Variants in STAG1 observed in about 807,000 individuals in gnomAD.
STAG1 encodes cohesin subunit SA-1.
STAG1 carries 26 observed loss-of-function variants against 170.9 expected under a neutral mutation model. The ratio of observed to expected loss-of-function variants is 0.15; its 90% CI spans 0.11 to 0.21. STAG1 has a LOEUF of 0.21. Among genes scored for constraint, STAG1 ranks in the 10% least tolerant of loss-of-function variants. The probability of loss-of-function intolerance (pLI) is 1.00; values close to 1 mark genes in which losing one functional copy is unlikely to be tolerated. For synonymous variants in STAG1, 514 were observed against 497.7 expected (o/e 1.03, Z -0.44); for missense variants, 964 against 1,509.5 (o/e 0.64, Z 5.99).
At chr3:136,447,899 G>A (rs1055295233) in intron 14 of STAG1, among the ~76,000 whole-genome samples, 1 of 152,102 alleles carries the variant, frequency 6.6e-6, no homozygotes, top group Non-Finnish European at 1.5e-5. Flanking sequence ...TTACAGGCAT[G>A]AGCCACCGCG....
chr3:136,469,529 T>G (rs375182335), intron 12 of STAG1, among the ~76,000 whole-genome samples: 1,811 of 152,242 alleles, frequency 0.012, 21 homozygotes, highest in African/African-American at 0.041. Flanking sequence ...TGGATAGGAA[T>G]AATCAATATC....
chr3:136,648,355 G>A (rs1392781384), intron 1 of STAG1, among the ~76,000 whole-genome samples: 2 of 152,186 alleles, frequency 1.3e-5, no homozygotes, highest in African/African-American at 2.4e-5. Flanking sequence ...CTGATGAAAT[G>A]TGATGTACCC....
At chr3:136,671,329 C>T (rs1941973869) in intron 1 of STAG1, among the ~76,000 whole-genome samples, 2 of 151,968 alleles carry the variant, frequency 1.3e-5, no homozygotes, top group South Asian at 4.1e-4. Context: ...TCATACGTGC[C>T]ATATAGCTTG....
At chr3:136,440,672 G>GA (rs1159947124) in intron 15 of STAG1, among the ~76,000 whole-genome samples, 1 of 151,976 alleles carries the variant, frequency 6.6e-6, no homozygotes, top group East Asian at 1.9e-4. Context: ...TTTTATCAGG[G>GA]AAAATATTAA....
rs114998443 is a variant in STAG1, at chr3:136,635,475, G to A, written c.-83-4494C>T. ...AAATATAGGGGAACATTCTCAACTC[G>A]ATAAAGAGTATCTCCAAACGCTGCA... On this transcript the variant is annotated intron_variant, in intron 1 of 33. Transcript: ENST00000383202. 3.1e-3 allele frequency among the ~76,000 whole-genome samples: 466 copies of A among 152,226 alleles called. 2 individuals carry two copies. Among genetic ancestry groups the A allele is most frequent in the Non-Finnish European group, 4.8e-3 (327 of 67,998 alleles).
rs188460966 is a variant in STAG1, at chr3:136,479,008, T to G, written c.903-1596A>C. Reference sequence around the variant, plus strand: ...TTAATACAAATAGAAGACTTAGAATTCTACCTGGCATCCATTAATCCTTCC... The same window carrying G: ...TTAATACAAATAGAAGACTTAGAATGCTACCTGGCATCCATTAATCCTTCC... On this transcript the variant is annotated intron_variant, in intron 9 of 33. Coordinates refer to ENST00000383202, the MANE Select transcript of STAG1 (RefSeq NM_005862.3). Among the ~76,000 whole-genome samples, 1,148 of 151,738 alleles carry G rather than the reference T, an allele frequency of 7.6e-3. 8 individuals carry two copies. The highest frequency in any genetic ancestry group is 0.014 in the Non-Finnish European group (926 of 67,854).
intron 2 of STAG1, 50 bp downstream of exon 2, chr3:136,630,820 T>C: frequency 7.7e-7 from 1 of 1,300,060 alleles, no homozygotes; most frequent in South Asian, 1.3e-5. Flanking sequence ...AAATAAGTTG[T>C]CCAAAATTTT....
intron 1 of STAG1, among the ~76,000 whole-genome samples, chr3:136,678,770 T>C (rs1942223874): frequency 6.8e-6 from 1 of 147,390 alleles, no homozygotes; most frequent in Non-Finnish European, 1.5e-5. Context: ...CCCGGCACTT[T>C]GGAAGGCCAA....
chr3:136,589,628 CAAAAAAA>C (rs71626007), intron 4 of STAG1, among the ~76,000 whole-genome samples: 21 of 46,192 alleles, frequency 4.5e-4, no homozygotes, highest in South Asian at 3.6e-3. Context: ...CAAAGGGAGC[CAAAAAAA>C]AAAAAAAAAA....
At position 136,423,019 on chromosome 3, in the gene STAG1, G is replaced by A. The variant is rs1205051156; in HGVS notation, c.1676C>T (p.Thr559Ile). 1.2e-6 allele frequency: 2 copies of A among 1,607,216 alleles called. No individual in the cohort carries two copies. The highest frequency in any genetic ancestry group is 1.1e-5 in the South Asian group (1 of 89,572). The change falls in exon 17 of 34, where the codon ACT becomes ATT. Residue 559 changes from threonine (T) to isoleucine (I), a missense_variant. Coordinates refer to ENST00000383202, the MANE Select transcript of STAG1 (RefSeq NM_005862.3). ...CAATTTGTTTCTATCATCAATTTGA[G>A]TTTTCCTTTCTTTGGCAGTTAGCAC... is the stretch of plus-strand genomic sequence containing the variant. Reference protein sequence around the residue: ...KRVLTAKERKTQIDDRNKLTE... With the variant: ...KRVLTAKERKIQIDDRNKLTE...
chr3:136,420,878 G>A (rs1339895977), intron 20 of STAG1, among the ~76,000 whole-genome samples: 1 of 152,198 alleles, frequency 6.6e-6, no homozygotes, highest in African/African-American at 2.4e-5. Flanking sequence ...GGGTTCAAGC[G>A]ATTCTCCTGC....
At chr3:136,715,092 G>A (rs1943502473) in intron 1 of STAG1, among the ~76,000 whole-genome samples, 1 of 145,484 alleles carries the variant, frequency 6.9e-6, no homozygotes, top group Non-Finnish European at 1.5e-5. Flanking sequence ...ATACAAAGGG[G>A]CGCACAGTAA....
intron 9 of STAG1, among the ~76,000 whole-genome samples, chr3:136,484,979 C>T (rs2089977316): frequency 6.6e-6 from 1 of 152,190 alleles, no homozygotes; most frequent in Admixed American, 6.5e-5. Context: ...CACTGTCTGG[C>T]ACTCCCTAGT....
intron 28 of STAG1, among the ~76,000 whole-genome samples, chr3:136,352,289 G>A (rs553876293): frequency 1.3e-5 from 2 of 152,132 alleles, no homozygotes; most frequent in African/African-American, 2.4e-5. Context: ...AGCCTCCCGA[G>A]TAGCTGGGAC....
chr3:136,636,248 C>T (rs1243176663), intron 1 of STAG1, among the ~76,000 whole-genome samples: 1 of 133,116 alleles, frequency 7.5e-6, no homozygotes, highest in African/African-American at 2.8e-5. Context: ...AACTCTGTCT[C>T]AAAAAAAAAA....
At chr3:136,657,189 C>CTTTTTT (rs67826395) in intron 1 of STAG1, among the ~76,000 whole-genome samples, 18 of 92,256 alleles carry the variant, frequency 2.0e-4, no homozygotes, top group East Asian at 7.6e-4. Flanking sequence ...TTCTTTCTTT[C>CTTTTTT]TTTTTTTTTT....
At chr3:136,521,561 G>A (rs6773495) in intron 6 of STAG1, 144 bp from the exon 7 acceptor site, 47,483 of 613,372 alleles carry the variant, frequency 0.077, 2,096 homozygotes, top group Non-Finnish European at 0.091. Flanking sequence ...ACATTTGATT[G>A]CTTTATTTCT....
At chr3:136,685,183 G>A (rs1264558575) in intron 1 of STAG1, among the ~76,000 whole-genome samples, 3 of 152,054 alleles carry the variant, frequency 2.0e-5, no homozygotes, top group Non-Finnish European at 2.9e-5. Flanking sequence ...GGATGTGGTG[G>A]CACACACCTG....
chr3:136,341,111 TG>T (rs1935951701), intron 31 of STAG1, among the ~76,000 whole-genome samples: 1 of 152,168 alleles, frequency 6.6e-6, no homozygotes, highest in South Asian at 2.1e-4. Context: ...GGTTTCACGA[TG>T]TTGGCCAGGC....
Sources: gnomAD v4.1 joint callset for allele counts (sites outside exome capture counted in the v4.1 genomes callset) on GRCh38, gnomAD v4.1.1 for gene constraint, MANE v1.5 for transcripts, NCBI Gene and HGNC (gene_info 2026-07-23, HGNC 2026-07-21) for gene names.